The following UNC79 variants were observed in gnomAD, a reference collection of about 807,000 sequenced individuals.
UNC79 encodes protein unc-79 homolog.
In UNC79, 37 loss-of-function variants were observed where a neutral mutation model predicts 283.1. The ratio of observed to expected loss-of-function variants is 0.13; its 90% confidence interval spans 0.10 to 0.17. The LOEUF is 0.17. Ranked by LOEUF, UNC79 falls within the 10% of genes least tolerant of loss-of-function variation. UNC79 has a pLI of 1.00. For synonymous variants in UNC79, 1,107 were observed against 1,200.2 expected, an observed-to-expected ratio of 0.92 and a Z score of 1.61; for missense variants, 2,272 against 3,211.1, an observed-to-expected ratio of 0.71 and a Z score of 7.07.
intron 14 of UNC79, among the ~76,000 whole-genome samples, chr14:93,565,597 G>C (rs2062827659): frequency 6.6e-6 from 1 of 152,138 alleles, no homozygotes; most frequent in Non-Finnish European, 1.5e-5. Flanking sequence ...GTTTTCTACA[G>C]CTAGGTTACA....
chr14:93,397,071 A>G (rs1447413097), intron 1 of UNC79: 1 of 151,892 alleles, frequency 6.6e-6, no homozygotes, highest in South Asian at 2.1e-4. Context: ...TGCTTAGTCC[A>G]TTGTTTGTCC....
intron 1 of UNC79, among the ~76,000 whole-genome samples, chr14:93,390,284 A>G (rs1358335604): frequency 6.6e-6 from 1 of 152,218 alleles, no homozygotes; most frequent in Non-Finnish European, 1.5e-5. Flanking sequence ...CATGATAAAA[A>G]CATTCAACAA....
chr14:93,659,337 T>A, intron 39 of UNC79, 76 bp downstream of exon 42: 1 of 1,185,946 alleles, frequency 8.4e-7, no homozygotes, highest in Non-Finnish European at 1.2e-6. Context: ...CTTGTAGCAA[T>A]ACTGAAGACA....
intron 14 of UNC79, among the ~76,000 whole-genome samples, chr14:93,568,667 G>A (rs567690561): frequency 2.0e-5 from 3 of 151,380 alleles, no homozygotes; most frequent in Non-Finnish European, 2.9e-5. Flanking sequence ...GCGAAACTCC[G>A]TCTCAAAAAA....
chr14:93,528,280 C>T (rs199554078), intron 8 of UNC79, among the ~76,000 whole-genome samples: 1 of 152,078 alleles, frequency 6.6e-6, no homozygotes, highest in Non-Finnish European at 1.5e-5. Context: ...TATTTTGGAT[C>T]TTTGTGGAAT....
rs145512291 is a variant in UNC79 at position 93,508,646 on chromosome 14, G to C, written c.898+11360G>C. 4.0e-4 allele frequency among the ~76,000 whole-genome samples: 61 copies of C among 152,144 alleles called. 1 individual carries two copies. The East Asian group carries it at 0.011, about 26-fold the overall frequency. On this transcript the variant is annotated intron_variant, in intron 7 of 48. Transcript: ENST00000555664. Reference sequence around the variant, plus strand: ...GGTGTTTGAATTTTTTTATGCCATTGTAAATGGCATTATTTTAAAATTTAA... The same window carrying C: ...GGTGTTTGAATTTTTTTATGCCATTCTAAATGGCATTATTTTAAAATTTAA...
chr14:93,577,707 G>A (rs939453111), intron 17 of UNC79, 135 bp from the exon 18 acceptor site: 2 of 784,786 alleles, frequency 2.5e-6, no homozygotes, highest in African/African-American at 3.5e-5. Flanking sequence ...AGTATTTGGA[G>A]GTACTAATGC....
At chr14:93,355,284 G>A (rs923888235) in intron 1 of UNC79, among the ~76,000 whole-genome samples, 2 of 151,802 alleles carry the variant, frequency 1.3e-5, no homozygotes, top group African/African-American at 2.4e-5. Context: ...TGCAACCTCC[G>A]CCTTCTGGTT....
At chr14:93,689,933 A>T (rs941841369) in intron 44 of UNC79, 184 bp from the exon 48 acceptor site, 13 of 620,078 alleles carry the variant, frequency 2.1e-5, no homozygotes, top group Middle Eastern at 8.8e-4. Flanking sequence ...GAGATCCAGG[A>T]TTAGAGTGGA....
chr14:93,634,671 C>A (rs374462397), intron 31 of UNC79, 34 bp downstream of exon 34: 1 of 1,541,102 alleles, frequency 6.5e-7, no homozygotes. Context: ...TTCTACCTCT[C>A]GGATTAGTGA....
intron 41 of UNC79, among the ~76,000 whole-genome samples, chr14:93,679,472 G>C (rs989571023): frequency 6.6e-6 from 1 of 151,724 alleles, no homozygotes; most frequent in African/African-American, 2.4e-5. Context: ...AAAAAAAGTA[G>C]ATATTCTGCT....
chr14:93,562,764 C>A (rs1223445017), intron 14 of UNC79, among the ~76,000 whole-genome samples: 3 of 152,256 alleles, frequency 2.0e-5, no homozygotes, highest in East Asian at 1.9e-4. Flanking sequence ...ACTGCGGTGG[C>A]CTTCTCAGAC....
At chr14:93,438,776 G>A (rs2056189910) in intron 1 of UNC79, among the ~76,000 whole-genome samples, 1 of 151,396 alleles carries the variant, frequency 6.6e-6, no homozygotes, top group African/African-American at 2.4e-5. Flanking sequence ...ATTTTTGTGA[G>A]TATCATATTA....
chr14:93,537,495 G>C (rs923242889), intron 11 of UNC79, among the ~76,000 whole-genome samples: 4 of 152,220 alleles, frequency 2.6e-5, no homozygotes, highest in Non-Finnish European at 4.4e-5. Flanking sequence ...AATGCGACAA[G>C]GACAGAGGAG....
At chr14:93,423,991 A>G (rs2055667163) in intron 1 of UNC79, among the ~76,000 whole-genome samples, 1 of 152,240 alleles carries the variant, frequency 6.6e-6, no homozygotes. Context: ...ACGAGAATAT[A>G]TAAGGAGTTC....
chr14:93,648,033 A>G (rs939514784), intron 35 of UNC79, among the ~76,000 whole-genome samples: 1 of 152,162 alleles, frequency 6.6e-6, no homozygotes, highest in Non-Finnish European at 1.5e-5. Flanking sequence ...CCCCTCCCAC[A>G]ACGTGTGGGA....
Position 93,590,985 on chromosome 14 carries a change from C to T in UNC79, c.3033-2695C>T, listed in dbSNP as rs1030640027. ...AGGTTTCTGCATACCTACTAAGTGCCATGCTCTCTGCACATCTTGTTTAAA... is the reference window on the plus strand; with the variant it reads ...AGGTTTCTGCATACCTACTAAGTGCTATGCTCTCTGCACATCTTGTTTAAA... On this transcript the variant is annotated intron_variant, in intron 22 of 48. Coordinates refer to ENST00000555664, the Ensembl canonical transcript of UNC79. Among the ~76,000 whole-genome samples the T allele has an allele frequency of 3.9e-5, 6 of 152,318 alleles. No individual in the cohort carries two copies. The East Asian group carries it at 7.7e-4, about 20-fold the overall frequency.
Position 93,620,804 on chromosome 14 carries a change from A to T in UNC79, c.4388-817A>T, listed in dbSNP as rs567064464. On this transcript the variant is annotated intron_variant, in intron 29 of 48. Transcript: ENST00000555664. Reference sequence around the variant, plus strand: ...CAGAAACTAACCCAGACCTTGTTCCATAATGCTTTCATTGAAATGCTTGTG... The same window carrying T: ...CAGAAACTAACCCAGACCTTGTTCCTTAATGCTTTCATTGAAATGCTTGTG... 264 of 377,132 alleles carry T rather than the reference A, an allele frequency of 7.0e-4. 2 individuals are homozygous for T. The highest frequency in any genetic ancestry group is 5.8e-3 in the South Asian group (260 of 44,628). The allele number at this position is 377,132 out of a possible 1,614,324, so 23.4% of individuals were successfully genotyped here. A position where few individuals can be genotyped will look rare whatever the true frequency, so the allele number is the denominator to read the frequency against.
chr14:93,524,135 G>T (rs1398943218), intron 8 of UNC79, 93 bp downstream of exon 8: 3 of 1,390,730 alleles, frequency 2.2e-6, no homozygotes, highest in East Asian at 4.6e-5. Flanking sequence ...CTGTAAAGCA[G>T]AGGCATGTCC....
Sources: gnomAD v4.1 joint callset for allele counts (sites outside exome capture counted in the v4.1 genomes callset) on GRCh38, gnomAD v4.1.1 for gene constraint, MANE v1.5 for transcripts, NCBI Gene and HGNC (gene_info 2026-07-23, HGNC 2026-07-21) for gene names.